THAP6: variants seen among roughly 807,000 people sequenced by gnomAD.
THAP6 encodes the protein THAP domain-containing protein 6.
Under a neutral mutation model 20.0 loss-of-function variants are expected in THAP6, and 13 were observed. The observed-to-expected ratio is 0.65, with a 90% CI of 0.42 to 1.03. The LOEUF (loss-of-function observed/expected upper bound fraction) is 1.03. Among genes scored for constraint, THAP6 ranks in the 50% least tolerant of loss-of-function variants. The pLI, the probability that THAP6 is intolerant of heterozygous loss-of-function variation, is 0.00. For synonymous variants in THAP6, 93 were observed against 92.2 expected (o/e 1.01, Z -0.05); for missense variants, 262 against 261.6 (o/e 1.00, Z -0.01).
intron 2 of THAP6, among the ~76,000 whole-genome samples, chr4:75,536,571 G>A (rs1726861619): frequency 6.6e-6 from 1 of 152,142 alleles, no homozygotes; most frequent in Non-Finnish European, 1.5e-5. Flanking sequence ...CTGTCTCCCA[G>A]ACTGGTGCAG....
Position 75,516,778 on chromosome 4 carries a change from C to G in THAP6, c.87C>G (p.Pro29=). Reference sequence around the variant, plus strand: ...TTTTGTATTTTTTTTCTAGATTCCCCACAGATGAAAACATCAAAAGGAAAT... The same window carrying G: ...TTTTGTATTTTTTTTCTAGATTCCCGACAGATGAAAACATCAAAAGGAAAT... The part of the protein sequence containing the change: ...KLKGLTFHVF[P]TDENIKRKWV... Residue 29 remains proline (P), a synonymous_variant, in exon 3 of 5, where the codon CCC becomes CCG. Transcript: ENST00000311638. The G allele has an allele frequency of 6.2e-7, 1 of 1,611,052 alleles. No individual in the cohort carries two copies. The highest frequency in any genetic ancestry group is 8.5e-7 in the Non-Finnish European group (1 of 1,178,584).
At chr4:75,532,726 T>C (rs1726722011), downstream of THAP6, among the ~76,000 whole-genome samples, 1 of 152,202 alleles carries the variant, frequency 6.6e-6, no homozygotes, top group Non-Finnish European at 1.5e-5. Context: ...ACTCAAAGGC[T>C]CAACATCATA....
downstream of THAP6, among the ~76,000 whole-genome samples, chr4:75,531,152 G>C (rs1386141066): frequency 6.6e-6 from 1 of 152,194 alleles, no homozygotes; most frequent in African/African-American, 2.4e-5. Context: ...CAGACTGTTT[G>C]TACAGACAAG....
At chr4:75,546,283 A>G (rs1727124787) in intron 3 of THAP6, among the ~76,000 whole-genome samples, 1 of 152,158 alleles carries the variant, frequency 6.6e-6, no homozygotes, top group Non-Finnish European at 1.5e-5. Context: ...CTCTGGGTGA[A>G]GGACATTCCA....
chr4:75,527,110 G>C lies in THAP6; in HGVS notation c.565G>C (p.Glu189Gln), dbSNP rs767553849. 12 of 1,613,976 alleles carry C rather than the reference G, an allele frequency of 7.4e-6. No individual in the cohort carries two copies. The highest frequency in any genetic ancestry group is 1.0e-5 in the Non-Finnish European group (12 of 1,179,996). The change falls in exon 5 of 5, where the codon GAA (glutamate) becomes CAA (glutamine). Residue 189 changes from glutamate (E) to glutamine (Q), a missense_variant. Transcript: ENST00000311638. ...GAAATCATTGAGGAAGACAATCAGG[G>C]AATTAAAGGATGAATGTCTGATCAG... Reference protein sequence around the residue: ...FQKSLRKTIRELKDECLISQE... With the variant: ...FQKSLRKTIRQLKDECLISQE...
At chr4:75,534,271 A>G (rs1165286482), downstream of THAP6, among the ~76,000 whole-genome samples, 1 of 152,236 alleles carries the variant, frequency 6.6e-6, no homozygotes, top group Non-Finnish European at 1.5e-5. Flanking sequence ...ATCTACAACC[A>G]TCTGACCTTT....
At chr4:75,514,347 G>C, upstream of THAP6, 1 of 1,559,952 alleles carries the variant, frequency 6.4e-7, no homozygotes, top group Non-Finnish European at 8.7e-7. Context: ...CACGCCCAGA[G>C]AAGCTGCGCC....
chr4:75,546,204 A>G (rs1727123451), intron 3 of THAP6, among the ~76,000 whole-genome samples: 1 of 152,170 alleles, frequency 6.6e-6, no homozygotes, highest in African/African-American at 2.4e-5. Flanking sequence ...AGGGAAAGAG[A>G]GACTGAGAAG....
In THAP6 at chr4:75,526,595, T is replaced by C. The variant is rs1726385776; in HGVS notation, c.415-365T>C. Among the ~76,000 whole-genome samples the C allele has an allele frequency of 3.9e-5, 6 of 152,290 alleles. No homozygotes were observed. The South Asian group carries it at 1.2e-3, about 32-fold the overall frequency. On this transcript the variant is annotated intron_variant, in intron 4 of 4. Transcript: ENST00000311638. ...CAAATGCAATAGCCATCCAATAAAG[T>C]AACCCAGTTAAAAACTTAATTTAAA...
intron 3 of THAP6, among the ~76,000 whole-genome samples, chr4:75,518,649 C>T (rs999186775): frequency 3.5e-5 from 5 of 144,768 alleles, no homozygotes; most frequent in Admixed American, 1.3e-4. Flanking sequence ...TAGATTTGAT[C>T]CCAGGCATTT....
intron 2 of THAP6, among the ~76,000 whole-genome samples, chr4:75,515,927 C>T (rs1216758911): frequency 3.3e-5 from 5 of 152,162 alleles, no homozygotes; most frequent in African/African-American, 1.2e-4. Context: ...AGAAAAAATA[C>T]AAATTACAAG....
chr4:75,540,462 C>A (rs1035019561), intron 2 of THAP6, among the ~76,000 whole-genome samples: 10 of 152,170 alleles, frequency 6.6e-5, no homozygotes, highest in Admixed American at 4.6e-4. Flanking sequence ...CACCTGAGCT[C>A]CATGTTCTGT....
chr4:75,533,352 T>C (rs1726745568), downstream of THAP6, among the ~76,000 whole-genome samples: 1 of 152,176 alleles, frequency 6.6e-6, no homozygotes, highest in African/African-American at 2.4e-5. Context: ...TGGATTTCAT[T>C]GTCCATATTG....
downstream of THAP6, among the ~76,000 whole-genome samples, chr4:75,534,976 T>C (rs1190089909): frequency 6.6e-6 from 1 of 152,236 alleles, no homozygotes; most frequent in African/African-American, 2.4e-5. Flanking sequence ...AGTTCAACCA[T>C]TGTGGAAGTC....
At chr4:75,525,590 T>C (rs1455328344) in intron 4 of THAP6, among the ~76,000 whole-genome samples, 2 of 152,236 alleles carry the variant, frequency 1.3e-5, no homozygotes, top group African/African-American at 4.8e-5. Context: ...TTGGTTTCCA[T>C]TGATTGATTT....
chr4:75,520,718 T>C (rs1725967703), intron 3 of THAP6, among the ~76,000 whole-genome samples: 1 of 152,204 alleles, frequency 6.6e-6, no homozygotes, highest in Non-Finnish European at 1.5e-5. Flanking sequence ...AGATTTGCTT[T>C]CAATAAAGAT....
In THAP6 at chr4:75,516,893, A is replaced by T; in HGVS notation, c.202A>T (p.Lys68Ter). 6.2e-7 allele frequency: 1 copy of T among 1,614,162 alleles called. No individual in the cohort carries two copies. Among genetic ancestry groups the T allele is most frequent in the Admixed American group, 1.7e-5 (1 of 60,020 alleles). The stretch of plus-strand genomic sequence containing the variant: ...TGTGTTGTGTTCGAGGCACTTTAAG[A>T]AGACAGATTTTGACAGAAGTGCTCC... ...GDVLCSRHFKKTDFDRSAPNI... is the reference protein window; with the variant it reads ...GDVLCSRHFK Residue 68 changes from lysine (K) to a stop codon, truncating the protein, a stop_gained, in exon 3 of 5, where the codon AAG (lysine) becomes TAG (stop). Coordinates refer to ENST00000311638, the MANE Select transcript of THAP6 (RefSeq NM_144721.6). LOFTEE classifies it high-confidence loss of function.
At chr4:75,521,287 A>G (rs1353820418) in intron 3 of THAP6, among the ~76,000 whole-genome samples, 2 of 151,894 alleles carry the variant, frequency 1.3e-5, no homozygotes, top group Non-Finnish European at 2.9e-5. Flanking sequence ...ATTTCAGTAC[A>G]TGGAATTTCA....
At chr4:75,535,992 C>A (rs776283667) in intron 2 of THAP6, among the ~76,000 whole-genome samples, 3 of 152,166 alleles carry the variant, frequency 2.0e-5, no homozygotes, top group Non-Finnish European at 2.9e-5. Flanking sequence ...TCTCTAGGAC[C>A]ATTTCCTTGG....
Sources: allele counts gnomAD v4.1 joint callset (sites outside exome capture counted in the v4.1 genomes callset), GRCh38; gene constraint gnomAD v4.1.1; transcripts MANE v1.5; gene names NCBI Gene and HGNC (gene_info 2026-07-23, HGNC 2026-07-21).